The following SMYD3 variants were observed in gnomAD, a reference collection of about 807,000 sequenced individuals.
The protein encoded by SMYD3 is SET and MYND domain containing 3.
A neutral mutation model predicts 57.7 loss-of-function variants in SMYD3; 36 were observed. The ratio of observed to expected loss-of-function variants is 0.62; its 90% confidence interval spans 0.48 to 0.82. SMYD3 has a LOEUF of 0.82. Ranked by LOEUF, SMYD3 falls within the 40% of genes least tolerant of loss-of-function variation. SMYD3 has a pLI of 0.00. For synonymous variants in SMYD3, 211 were observed against 195.0 expected (o/e 1.08, Z -0.68); for missense variants, 515 against 538.8 (o/e 0.96, Z 0.44).
chr1:245,896,421 C>T (rs1021634707), intron 8 of SMYD3, among the ~76,000 whole-genome samples: 23 of 135,896 alleles, frequency 1.7e-4, no homozygotes, highest in Non-Finnish European at 3.5e-4. Flanking sequence ...CAATGATCTC[C>T]CTGGACCAAA....
intron 3 of SMYD3, among the ~76,000 whole-genome samples, chr1:246,331,406 T>C (rs2148667189): frequency 6.6e-6 from 1 of 152,344 alleles, no homozygotes; most frequent in Admixed American, 6.5e-5. Flanking sequence ...TGTGCATTAG[T>C]TTACAATACC....
At chr1:246,313,016 G>A (rs1184522832) in intron 5 of SMYD3, among the ~76,000 whole-genome samples, 1 of 152,052 alleles carries the variant, frequency 6.6e-6, no homozygotes, top group Non-Finnish European at 1.5e-5. Flanking sequence ...CCAGGCTCGA[G>A]CGATCCTCCC....
At chr1:246,217,251 T>TAC (rs1244417253) in intron 5 of SMYD3, among the ~76,000 whole-genome samples, 1 of 152,106 alleles carries the variant, frequency 6.6e-6, no homozygotes, top group Non-Finnish European at 1.5e-5. Context: ...TCAGGGTGAA[T>TAC]ACACCTTCAA....
intron 5 of SMYD3, among the ~76,000 whole-genome samples, chr1:246,244,640 G>A (rs988535916): frequency 2.6e-5 from 4 of 152,130 alleles, no homozygotes; most frequent in Non-Finnish European, 5.9e-5. Flanking sequence ...TATAAAACAT[G>A]TACCATATGA....
chr1:245,885,316 A>C (rs1219942670), intron 8 of SMYD3, among the ~76,000 whole-genome samples: 1 of 152,192 alleles, frequency 6.6e-6, no homozygotes, highest in African/African-American at 2.4e-5. Flanking sequence ...AACCCACCGG[A>C]AGGAACCAAT....
At chr1:245,859,817 C>T (rs2051439735) in intron 9 of SMYD3, among the ~76,000 whole-genome samples, 1 of 152,192 alleles carries the variant, frequency 6.6e-6, no homozygotes. Flanking sequence ...TGTAGTAAAG[C>T]TAGATTCAGA....
chr1:245,813,779 A>AAAGGC, intron 10 of SMYD3, among the ~76,000 whole-genome samples: 1 of 150,116 alleles, frequency 6.7e-6, no homozygotes, highest in South Asian at 2.1e-4. Flanking sequence ...CCCTCAAGAG[A>AAAGGC]AAGGCAAGAT....
intron 5 of SMYD3, among the ~76,000 whole-genome samples, chr1:245,931,620 A>G (rs1245060419): frequency 6.6e-6 from 1 of 152,224 alleles, no homozygotes; most frequent in Non-Finnish European, 1.5e-5. Flanking sequence ...GAAACATGAC[A>G]AAGGCCATCA....
At chr1:246,029,131 A>G (rs550195897) in intron 5 of SMYD3, among the ~76,000 whole-genome samples, 1 of 152,306 alleles carries the variant, frequency 6.6e-6, no homozygotes, top group South Asian at 2.1e-4. Flanking sequence ...CTAGAAGAAA[A>G]CACTTCAGGA....
intron 8 of SMYD3, among the ~76,000 whole-genome samples, chr1:245,870,370 C>A (rs1342979356): frequency 1.3e-5 from 2 of 152,128 alleles, no homozygotes; most frequent in African/African-American, 4.8e-5. Context: ...AACCCCACGC[C>A]GGCTCCGGAC....
At chr1:246,256,303 AG>A (rs2063893172) in intron 5 of SMYD3, among the ~76,000 whole-genome samples, 1 of 110,284 alleles carries the variant, frequency 9.1e-6, no homozygotes, top group Admixed American at 1.2e-4. Flanking sequence ...TGCCTTCCCC[AG>A]CCCACTGACT....
At chr1:246,003,478 A>G (rs951300052) in intron 5 of SMYD3, among the ~76,000 whole-genome samples, 2 of 152,356 alleles carry the variant, frequency 1.3e-5, no homozygotes, top group East Asian at 3.9e-4. Flanking sequence ...GTTACGTCCT[A>G]TGGATTATCT....
intron 2 of SMYD3, among the ~76,000 whole-genome samples, chr1:246,335,840 A>C (rs962182962): frequency 3.3e-5 from 5 of 152,204 alleles, no homozygotes; most frequent in African/African-American, 1.2e-4. Flanking sequence ...CAAAAGGAAA[A>C]TGTCACTCCA....
chr1:246,344,622 T>C (rs748732021), intron 2 of SMYD3, among the ~76,000 whole-genome samples: 4 of 152,216 alleles, frequency 2.6e-5, no homozygotes, highest in African/African-American at 7.2e-5. Context: ...ATACAGTAAG[T>C]ACACCTTTAA....
At chr1:246,453,825 A>G (rs1439291655) in intron 1 of SMYD3, among the ~76,000 whole-genome samples, 1 of 152,190 alleles carries the variant, frequency 6.6e-6, no homozygotes, top group Non-Finnish European at 1.5e-5. Flanking sequence ...CCAGCCCAAG[A>G]GCACGGTCAT....
chr1:246,273,148 TTTTTCTTTTTTTTGGGGGGG>T (rs2064256651), intron 5 of SMYD3, among the ~76,000 whole-genome samples: 1 of 132,800 alleles, frequency 7.5e-6, no homozygotes. Flanking sequence ...TTTTTTTTTT[TTTTTCTTTTTTTTGGGGGGG>T]GGACAGAGTC....
intron 11 of SMYD3, among the ~76,000 whole-genome samples, chr1:245,761,362 T>G (rs12087432): frequency 0.05 from 7,611 of 152,126 alleles, 595 homozygotes; most frequent in African/African-American, 0.17. Context: ...GACCTGGGCA[T>G]GAGGGATGTA....
At chr1:246,166,000 A>G (rs2062203139) in intron 5 of SMYD3, among the ~76,000 whole-genome samples, 1 of 152,262 alleles carries the variant, frequency 6.6e-6, no homozygotes, top group African/African-American at 2.4e-5. Context: ...GAGATCAGGA[A>G]TGTAGGTCAA....
At chr1:245,900,636 T>C (rs1293537072) in intron 8 of SMYD3, among the ~76,000 whole-genome samples, 1 of 152,234 alleles carries the variant, frequency 6.6e-6, no homozygotes, top group East Asian at 1.9e-4. Flanking sequence ...AGTTGGGCTA[T>C]CTGTTATTTA....
Sources: gnomAD v4.1 joint callset for allele counts (sites outside exome capture counted in the v4.1 genomes callset) on GRCh38, gnomAD v4.1.1 for gene constraint, MANE v1.5 for transcripts, NCBI Gene and HGNC (gene_info 2026-07-23, HGNC 2026-07-21) for gene names.